The following DLG2 variants were observed in gnomAD, a reference collection of about 807,000 sequenced individuals.
DLG2 encodes discs large MAGUK scaffold protein 2.
Under a neutral mutation model 132.5 loss-of-function variants are expected in DLG2, and 45 were observed. That is an observed-to-expected ratio of 0.34 (90% confidence interval 0.27 to 0.44). DLG2 has a LOEUF of 0.44. DLG2 is among the 20% of genes least tolerant of loss of function. The pLI is 1.00. For missense variants in DLG2, 1,045 were observed against 1,196.9 expected, an observed-to-expected ratio of 0.87 and a Z score of 1.87; for synonymous variants, 424 against 419.6, an observed-to-expected ratio of 1.01 and a Z score of -0.13.
chr11:84,540,262 G>A (rs55786652), intron 6 of DLG2, among the ~76,000 whole-genome samples: 1 of 150,742 alleles, frequency 6.6e-6, no homozygotes, highest in East Asian at 2.0e-4. Context: ...GCAACCTACA[G>A]AATGGGAGAA....
intron 6 of DLG2, among the ~76,000 whole-genome samples, chr11:84,975,844 T>A (rs1047706190): frequency 3.9e-5 from 6 of 152,178 alleles, no homozygotes; most frequent in African/African-American, 1.4e-4. Context: ...ACTCCCCAGA[T>A]TTCGTTGTTT....
At chr11:83,653,785 C>T (rs1403321175) in intron 18 of DLG2, among the ~76,000 whole-genome samples, 5 of 152,090 alleles carry the variant, frequency 3.3e-5, no homozygotes, top group East Asian at 1.9e-4. Flanking sequence ...TGCCGTGGCA[C>T]GATCTTGGCT....
intron 17 of DLG2, among the ~76,000 whole-genome samples, chr11:83,792,051 T>A (rs1336956413): frequency 6.6e-6 from 1 of 152,246 alleles, no homozygotes; most frequent in African/African-American, 2.4e-5. Context: ...ATCTTGGACA[T>A]CTTTCATTAT....
chr11:84,815,882 G>T (rs1180271178), intron 6 of DLG2, among the ~76,000 whole-genome samples: 1 of 151,998 alleles, frequency 6.6e-6, no homozygotes, highest in African/African-American at 2.4e-5. Context: ...CTCATCTTGA[G>T]CCTAAAGTGC....
intron 4 of DLG2, among the ~76,000 whole-genome samples, chr11:85,270,187 T>G (rs1240177195): frequency 6.6e-6 from 1 of 152,192 alleles, no homozygotes. Context: ...GGCAGGGACC[T>G]AATGGGAGGT....
At chr11:85,304,968 C>CCTCATGTACAGGTACATGTACAGGTA (rs1322198861) in intron 3 of DLG2, among the ~76,000 whole-genome samples, 2 of 152,146 alleles carry the variant, frequency 1.3e-5, no homozygotes, top group African/African-American at 2.4e-5. Context: ...AAGTATCTTT[C>CCTCATGTACAGGTACATGTACAGGTA]CAGGTACATT....
At chr11:85,518,878 AAGGT>A (rs1434805338) in intron 3 of DLG2, among the ~76,000 whole-genome samples, 1 of 152,192 alleles carries the variant, frequency 6.6e-6, no homozygotes, top group Non-Finnish European at 1.5e-5. Flanking sequence ...AAAAGTGGTC[AAGGT>A]ACAGCTCAGG....
intron 3 of DLG2, among the ~76,000 whole-genome samples, chr11:85,288,719 G>C (rs1471198437): frequency 2.0e-5 from 3 of 152,034 alleles, no homozygotes; most frequent in Non-Finnish European, 4.4e-5. Context: ...AAACATATCT[G>C]CAGCTACAGT....
chr11:84,914,448 A>G (rs2092326749), intron 6 of DLG2, among the ~76,000 whole-genome samples: 1 of 152,220 alleles, frequency 6.6e-6, no homozygotes, highest in African/African-American at 2.4e-5. Flanking sequence ...GATATTAGCA[A>G]ATAGATTTCT....
At chr11:84,367,758 C>A (rs187026185) in intron 7 of DLG2, among the ~76,000 whole-genome samples, 1 of 152,224 alleles carries the variant, frequency 6.6e-6, no homozygotes, top group East Asian at 1.9e-4. Context: ...CAGAAGCTGA[C>A]CAGATGCAGC....
chr11:84,348,849 A>AGCCAAGGAAT (rs1273373579), intron 7 of DLG2, among the ~76,000 whole-genome samples: 3 of 152,230 alleles, frequency 2.0e-5, no homozygotes, highest in Non-Finnish European at 4.4e-5. Context: ...TGTGTCTACA[A>AGCCAAGGAAT]GCCAAGGAAT....
intron 6 of DLG2, among the ~76,000 whole-genome samples, chr11:84,708,811 T>G (rs57667747): frequency 0.015 from 2,264 of 151,922 alleles, 58 homozygotes; most frequent in African/African-American, 0.051. Context: ...AATGTCTCAT[T>G]TTACAAAATT....
chr11:84,850,517 A>G (rs2082048581), intron 6 of DLG2, among the ~76,000 whole-genome samples: 2 of 152,152 alleles, frequency 1.3e-5, no homozygotes, highest in Non-Finnish European at 2.9e-5. Flanking sequence ...TGCTCTTACC[A>G]CTTGTATCCA....
At chr11:83,676,942 T>C (rs1489443575) in intron 18 of DLG2, among the ~76,000 whole-genome samples, 1 of 152,114 alleles carries the variant, frequency 6.6e-6, no homozygotes, top group East Asian at 1.9e-4. Context: ...AAATAACTAA[T>C]AATAGACAAA....
intron 3 of DLG2, among the ~76,000 whole-genome samples, chr11:85,341,612 G>C (rs1459400273): frequency 6.6e-6 from 1 of 152,134 alleles, no homozygotes; most frequent in Non-Finnish European, 1.5e-5. Flanking sequence ...ACTGCCACTA[G>C]TGTTTCTTGA....
chr11:83,588,463 C>G (rs2097131387), intron 19 of DLG2, among the ~76,000 whole-genome samples: 1 of 152,112 alleles, frequency 6.6e-6, no homozygotes, highest in African/African-American at 2.4e-5. Flanking sequence ...GAAAGGACAT[C>G]CACACCAAAA....
chr11:83,643,500 T>C (rs913458995), intron 18 of DLG2: 2 of 152,190 alleles, frequency 1.3e-5, no homozygotes, highest in African/African-American at 4.8e-5. Flanking sequence ...TAAGGCATAG[T>C]ACCTAAGACT....
At chr11:83,480,133 A>AGGTT (rs1296106576) in intron 22 of DLG2, among the ~76,000 whole-genome samples, 6 of 152,080 alleles carry the variant, frequency 3.9e-5, no homozygotes, top group Non-Finnish European at 7.4e-5. Context: ...CAACCAACTG[A>AGGTT]GGTTGGAATT....
In DLG2 at chr11:84,087,890, C is replaced by T. The variant is rs547139677; in HGVS notation, c.749+11033G>A. ...GTCCAGAACTATAGGATAATAAATT[C>T]GCATTATTTTAAGTCACTAAGTTTG... On this transcript the variant is annotated intron_variant, in intron 10 of 27. Coordinates refer to ENST00000376104, the MANE Select transcript of DLG2 (RefSeq NM_001142699.3). Among the ~76,000 whole-genome samples, 3 of 152,226 alleles carry T rather than the reference C, an allele frequency of 2.0e-5. No individual in the cohort carries two copies. In the South Asian group the frequency reaches 6.2e-4, roughly 32 times the overall value.
Sources: gnomAD v4.1 joint callset for allele counts (sites outside exome capture counted in the v4.1 genomes callset) on GRCh38, gnomAD v4.1.1 for gene constraint, MANE v1.5 for transcripts, NCBI Gene and HGNC (gene_info 2026-07-23, HGNC 2026-07-21) for gene names.